Variants in NAA60 observed in about 807,000 individuals in gnomAD.
NAA60 encodes the protein N-alpha-acetyltransferase 60.
In NAA60, 8 loss-of-function variants were observed where a neutral mutation model predicts 26.1. The observed-to-expected ratio is 0.31, with a 90% CI of 0.18 to 0.55. The LOEUF (loss-of-function observed/expected upper bound fraction) is 0.55, where lower values mean the gene tolerates loss of function less well. Ranked by LOEUF, NAA60 falls within the 20% of genes least tolerant of loss-of-function variation. The pLI is 0.93. For missense variants in NAA60, 290 were observed against 311.3 expected (o/e 0.93, Z 0.51); for synonymous variants, 131 against 122.5 (o/e 1.07, Z -0.46).
chr16:3,485,279 C>G lies in NAA60; in HGVS notation c.*207-188C>G, dbSNP rs1246097453. On this transcript the variant is annotated intron_variant, in intron 7 of 7. Coordinates refer to ENST00000407558, the MANE Select transcript of NAA60 (RefSeq NM_001083601.3). Reference sequence around the variant, plus strand: ...CTGGGCTGTGCACCCGACTTTGGATCCATCAGTGCCTTTATTTGTGTGGGG... The same window carrying G: ...CTGGGCTGTGCACCCGACTTTGGATGCATCAGTGCCTTTATTTGTGTGGGG... 1.3e-5 allele frequency: 8 copies of G among 597,352 alleles called. No individual in the cohort carries two copies. In the East Asian group the frequency reaches 2.6e-4, roughly 19 times the overall value. 37.0% of individuals were successfully genotyped at this position (597,352 alleles called of 1,614,324 possible).
intron 3 of NAA60, among the ~76,000 whole-genome samples, chr16:3,478,128 C>T (rs1421677049): frequency 6.6e-6 from 1 of 151,802 alleles, no homozygotes; most frequent in Non-Finnish European, 1.5e-5. Flanking sequence ...CCCAGCTACT[C>T]GGGAGGCTGA....
chr16:3,483,291 C>T (rs186083709), intron 5 of NAA60, 72 bp from the exon 6 acceptor site: 563 of 1,124,740 alleles, frequency 5.0e-4, no homozygotes, highest in Admixed American at 2.7e-3. Context: ...TCATGCAAAG[C>T]CCCCATCCTA....
intron 2 of NAA60, among the ~76,000 whole-genome samples, chr16:3,475,548 C>T (rs2036427062): frequency 6.6e-6 from 1 of 152,066 alleles, no homozygotes; most frequent in Non-Finnish European, 1.5e-5. Flanking sequence ...GGGGGCTGCT[C>T]CTCCCGCCCC....
At chr16:3,482,899 C>G (rs545210418) in intron 5 of NAA60, 2 of 525,842 alleles carry the variant, frequency 3.8e-6, no homozygotes, top group African/African-American at 1.9e-5. Flanking sequence ...CTGCTGCCGC[C>G]ACACGCACAA....
intron 4 of NAA60, 25 bp from the exon 5 acceptor site, chr16:3,482,477 A>C: frequency 6.4e-7 from 1 of 1,564,848 alleles, no homozygotes; most frequent in Non-Finnish European, 8.7e-7. Flanking sequence ...TGTGAGCCTG[A>C]CTTTCTCTCT....
chr16:3,465,174 G>A (rs1179037510), intron 2 of NAA60, among the ~76,000 whole-genome samples: 1 of 151,830 alleles, frequency 6.6e-6, no homozygotes, highest in Non-Finnish European at 1.5e-5. Context: ...GGCTGAGACA[G>A]GAGAATGGCG....
Position 3,482,524 on chromosome 16 carries a change from A to C in NAA60, c.263A>C (p.Asn88Thr). The C allele has an allele frequency of 2.5e-6, 4 of 1,605,666 alleles. No individual in the cohort carries two copies. Among genetic ancestry groups the C allele is most frequent in the East Asian group, 2.2e-5 (1 of 44,592 alleles). ...TAGGATGGAGATATTCTAGCATCCA[A>C]CTTCTCTGTTGACACACAAGTCGCG... The part of the protein sequence containing the change: ...HKEDGDILAS[N>T]FSVDTQVAYI... The change falls in exon 5 of 8, where the codon AAC becomes ACC. Residue 88 changes from asparagine (N) to threonine (T), a missense_variant. Transcript: ENST00000407558.
chr16:3,448,470 G>C lies in NAA60; in HGVS notation c.-76-1G>C. On this transcript the variant is annotated splice_acceptor_variant, in intron 1 of 7. Transcript: ENST00000407558. LOFTEE classifies it low-confidence loss of function (5UTR_SPLICE). ...TGGCCTTGTGTCTTTCTCCCCTGCA[G>C]CATACAGAAAGGCTGTACCTGGAGG... is the stretch of plus-strand genomic sequence containing the variant. 1 of 1,535,498 alleles carries C rather than the reference G, an allele frequency of 6.5e-7. No homozygotes were observed. Among genetic ancestry groups the C allele is most frequent in the Non-Finnish European group, 8.7e-7 (1 of 1,146,800 alleles).
rs1344806012 is a variant in NAA60 at position 3,482,539 on chromosome 16, C to G, written c.278C>G (p.Thr93Arg). 6.2e-7 allele frequency: 1 copy of G among 1,608,516 alleles called. No individual in the cohort carries two copies. Among genetic ancestry groups the G allele is most frequent in the African/African-American group, 1.3e-5 (1 of 74,978 alleles). The change falls in exon 5 of 8, where the codon ACA becomes AGA. Residue 93 changes from threonine to arginine, a missense_variant. Thr to Arg is a moderately conservative substitution (Grantham distance 71, BLOSUM62 -1). Transcript: ENST00000407558. ...DILASNFSVD[T>R]QVAYILSLGV... ...CTAGCATCCAACTTCTCTGTTGACACACAAGTCGCGTACATCCTAAGTCTG... is the reference window on the plus strand; with the variant it reads ...CTAGCATCCAACTTCTCTGTTGACAGACAAGTCGCGTACATCCTAAGTCTG...
rs143908509 is a variant in NAA60, at chr16:3,463,637, T to C, written c.-6-12585T>C. ...CCCAGCTACTTGGGAGGCTGAGGTA[T>C]GAGGATCCTTTGAGTCCAGGAGTTG... On this transcript the variant is annotated intron_variant, in intron 2 of 7. Coordinates refer to ENST00000407558, the MANE Select transcript of NAA60 (RefSeq NM_001083601.3). 4.4e-3 allele frequency among the ~76,000 whole-genome samples: 643 copies of C among 146,670 alleles called. 6 individuals carry two copies. The highest frequency in any genetic ancestry group is 0.016 in the African/African-American group (613 of 39,510).
Position 3,476,989 on chromosome 16 carries a change from C to T in NAA60, c.110+652C>T, listed in dbSNP as rs992066743. Among the ~76,000 whole-genome samples the T allele has an allele frequency of 1.9e-4, 29 of 151,706 alleles. 1 individual carries two copies. The highest frequency in any genetic ancestry group is 1.4e-3 in the East Asian group (7 of 5,148). ...CCAGGCGGTGGAGGTTGCGGTGAGC[C>T]GAGATTGCGCCATTGCACTCCAGCC... On this transcript the variant is annotated intron_variant, in intron 3 of 7. Coordinates refer to ENST00000407558, the MANE Select transcript of NAA60 (RefSeq NM_001083601.3).
intron 4 of NAA60, 100 bp from the exon 5 acceptor site, chr16:3,482,401 GC>G (rs2036893122): frequency 1.1e-6 from 1 of 924,358 alleles, no homozygotes; most frequent in Admixed American, 2.0e-5. Flanking sequence ...TGTCCCTCTG[GC>G]TGTCGTGGGA....
At chr16:3,457,251 G>C (rs1262871855) in intron 2 of NAA60, among the ~76,000 whole-genome samples, 1 of 152,104 alleles carries the variant, frequency 6.6e-6, no homozygotes, top group African/African-American at 2.4e-5. Flanking sequence ...TTCAAGACCA[G>C]CCTGGGCAAC....
chr16:3,468,070 A>G (rs545878795), intron 2 of NAA60: 1 of 152,346 alleles, frequency 6.6e-6, no homozygotes, highest in African/African-American at 2.4e-5. Flanking sequence ...GGTTGAGGAA[A>G]GCAGCCAACC....
intron 2 of NAA60, among the ~76,000 whole-genome samples, chr16:3,473,612 C>G (rs2036287089): frequency 1.3e-5 from 2 of 152,170 alleles, no homozygotes; most frequent in African/African-American, 4.8e-5. Context: ...GTTGGTCAGG[C>G]TGGTCTCAAA....
rs1195002784 is a variant in NAA60 at position 3,443,809 on chromosome 16, G to A, written c.-105G>A. 1 of 1,534,634 alleles carries A rather than the reference G, an allele frequency of 6.5e-7. No individual in the cohort carries two copies. Among genetic ancestry groups the A allele is most frequent in the South Asian group, 1.2e-5 (1 of 83,974 alleles). ...GACAGAAAGAAGACTGGGAGACACC[G>A]GAACTCGAAAGAAAATCGGTAACAA... On this transcript the variant is annotated 5_prime_UTR_variant, in exon 1 of 8. Transcript: ENST00000407558.
intron 2 of NAA60, among the ~76,000 whole-genome samples, chr16:3,470,560 C>T (rs752688051): frequency 3.3e-5 from 5 of 152,214 alleles, no homozygotes; most frequent in Admixed American, 1.3e-4. Context: ...TAGCCAGCTC[C>T]GTCTCTCTCT....
intron 4 of NAA60, among the ~76,000 whole-genome samples, chr16:3,480,848 G>T (rs1416305808): frequency 1.3e-5 from 2 of 152,200 alleles, no homozygotes; most frequent in Non-Finnish European, 2.9e-5. Flanking sequence ...AGTGGAGGTT[G>T]CAGTGAGCGG....
intron 2 of NAA60, among the ~76,000 whole-genome samples, chr16:3,459,594 C>A (rs2035241433): frequency 6.6e-6 from 1 of 152,040 alleles, no homozygotes; most frequent in South Asian, 2.1e-4. Flanking sequence ...GCAGATCTGC[C>A]CTTGGAGAAT....
Sources: allele counts gnomAD v4.1 joint callset (sites outside exome capture counted in the v4.1 genomes callset), GRCh38; gene constraint gnomAD v4.1.1; transcripts MANE v1.5; gene names NCBI Gene and HGNC (gene_info 2026-07-23, HGNC 2026-07-21).